The following CSMD1 variants were observed in gnomAD, a reference collection of about 807,000 sequenced individuals.
CSMD1 encodes CUB and sushi domain-containing protein 1.
CSMD1 carries 213 observed loss-of-function variants against 417.5 expected under a neutral mutation model. The observed-to-expected ratio is 0.51, with a 90% CI of 0.46 to 0.57. The LOEUF (loss-of-function observed/expected upper bound fraction) is 0.57. CSMD1 is among the 20% of genes least tolerant of loss of function. CSMD1 has a pLI of 0.00. For missense variants in CSMD1, 6,923 were observed against 4,529.7 expected, an observed-to-expected ratio of 1.53 and a Z score of -15.17; for synonymous variants, 2,862 against 1,736.8, an observed-to-expected ratio of 1.65 and a Z score of -16.11.
chr8:4,143,817 A>G (rs995767702), intron 3 of CSMD1, among the ~76,000 whole-genome samples: 4 of 151,234 alleles, frequency 2.6e-5, no homozygotes, highest in Non-Finnish European at 5.9e-5. Flanking sequence ...GGGCCTAGTT[A>G]CACAGTTTTC....
intron 3 of CSMD1, among the ~76,000 whole-genome samples, chr8:4,359,215 C>A (rs1433032255): frequency 3.9e-5 from 6 of 152,172 alleles, no homozygotes; most frequent in African/African-American, 1.2e-4. Flanking sequence ...GTTGCATTAT[C>A]TGTAGAGAGG....
intron 2 of CSMD1, among the ~76,000 whole-genome samples, chr8:4,443,469 T>C (rs1194658188): frequency 1.3e-5 from 2 of 152,354 alleles, no homozygotes; most frequent in Admixed American, 1.3e-4. Context: ...TCAAGATTTA[T>C]CTTTTCATCT....
chr8:3,683,828 C>T (rs188842302), intron 7 of CSMD1, among the ~76,000 whole-genome samples: 1 of 152,026 alleles, frequency 6.6e-6, no homozygotes, highest in African/African-American at 2.4e-5. Flanking sequence ...TTTGCGTAAT[C>T]ATTCTAAGAT....
chr8:4,149,217 G>A (rs534991615), intron 3 of CSMD1, among the ~76,000 whole-genome samples: 2 of 152,122 alleles, frequency 1.3e-5, no homozygotes, highest in East Asian at 1.9e-4. Context: ...GTCCACCTCG[G>A]CCTCCCAAAC....
chr8:4,337,127 G>C (rs1181604347), intron 3 of CSMD1, among the ~76,000 whole-genome samples: 1 of 152,128 alleles, frequency 6.6e-6, no homozygotes, highest in Admixed American at 6.6e-5. Flanking sequence ...AAGCATTTAA[G>C]TGGGATCTTC....
intron 3 of CSMD1, among the ~76,000 whole-genome samples, chr8:4,264,579 G>C (rs543118761): frequency 6.6e-6 from 1 of 152,236 alleles, no homozygotes; most frequent in Non-Finnish European, 1.5e-5. Context: ...TATTATGGAA[G>C]ACTGGTTCCT....
intron 3 of CSMD1, among the ~76,000 whole-genome samples, chr8:4,235,990 T>C (rs192637604): frequency 1.3e-5 from 2 of 150,698 alleles, no homozygotes; most frequent in Non-Finnish European, 2.9e-5. Flanking sequence ...AAGTGATTCG[T>C]GATAATCACT....
At chr8:3,110,938 G>C (rs58812972) in intron 42 of CSMD1, among the ~76,000 whole-genome samples, 8,258 of 152,128 alleles carry the variant, frequency 0.054, 591 homozygotes, top group African/African-American at 0.17. Context: ...TTTCATTTTT[G>C]TTAAGAAATT....
chr8:3,115,917 C>G (rs932876542), intron 42 of CSMD1, among the ~76,000 whole-genome samples: 1 of 152,142 alleles, frequency 6.6e-6, no homozygotes, highest in Non-Finnish European at 1.5e-5. Flanking sequence ...TTTCAGTACA[C>G]TTGACCTATA....
intron 3 of CSMD1, among the ~76,000 whole-genome samples, chr8:4,086,203 C>G (rs2552154): frequency 6.0e-4 from 92 of 152,206 alleles, no homozygotes; most frequent in African/African-American, 2.1e-3. Flanking sequence ...CTTACAGCTA[C>G]AAAGTATCAC....
At chr8:4,811,018 C>T (rs1053089189) in intron 1 of CSMD1, among the ~76,000 whole-genome samples, 2 of 152,108 alleles carry the variant, frequency 1.3e-5, no homozygotes, top group Admixed American at 6.5e-5. Flanking sequence ...TGTACTATTC[C>T]ACCCAGTGAA....
chr8:4,019,740 G>T (rs138936671), intron 4 of CSMD1, among the ~76,000 whole-genome samples: 6 of 152,000 alleles, frequency 3.9e-5, no homozygotes, highest in African/African-American at 1.2e-4. Flanking sequence ...GCCTGTTGTA[G>T]AAGTAGTTTT....
At chr8:4,351,099 G>T (rs1007824023) in intron 3 of CSMD1, among the ~76,000 whole-genome samples, 1 of 151,886 alleles carries the variant, frequency 6.6e-6, no homozygotes, top group Non-Finnish European at 1.5e-5. Context: ...CCAGAGGATC[G>T]CCTGAGCCCA....
At chr8:4,067,878 A>T (rs1272035987) in intron 3 of CSMD1, among the ~76,000 whole-genome samples, 4 of 152,104 alleles carry the variant, frequency 2.6e-5, no homozygotes, top group African/African-American at 7.2e-5. Flanking sequence ...AGAGATGGAG[A>T]CCATCCTGGC....
intron 7 of CSMD1, among the ~76,000 whole-genome samples, chr8:3,681,945 A>T (rs914763930): frequency 2.6e-5 from 4 of 152,214 alleles, no homozygotes; most frequent in Non-Finnish European, 4.4e-5. Flanking sequence ...TGGGGAAAGG[A>T]TTCCCTATTC....
intron 5 of CSMD1, among the ~76,000 whole-genome samples, chr8:3,864,676 G>A (rs565499403): frequency 1.7e-4 from 26 of 151,992 alleles, no homozygotes; most frequent in African/African-American, 5.1e-4. Flanking sequence ...AGACACTTTC[G>A]ACTGATGAAG....
chr8:3,806,474 T>C (rs1035412006), intron 5 of CSMD1, among the ~76,000 whole-genome samples: 1 of 152,180 alleles, frequency 6.6e-6, no homozygotes, highest in African/African-American at 2.4e-5. Flanking sequence ...TCAGCTTCTA[T>C]AACTGAGTCT....
intron 7 of CSMD1, among the ~76,000 whole-genome samples, chr8:3,638,309 C>T (rs903444828): frequency 5.3e-5 from 8 of 152,212 alleles, no homozygotes; most frequent in Non-Finnish European, 8.8e-5. Flanking sequence ...CATCCATTTA[C>T]AGTCAGTTTT....
Position 4,233,805 on chromosome 8 carries a change from T to C in CSMD1, c.415+186148A>G, listed in dbSNP as rs577309976. Among the ~76,000 whole-genome samples the C allele has an allele frequency of 2.1e-4, 32 of 152,302 alleles. No individual in the cohort carries two copies. The South Asian group carries it at 3.3e-3, about 16-fold the overall frequency. ...AGAAGTAGAGTATCTTTAGGATATT[T>C]CATGAAATTTCATTTGAGTTGGTTA... On this transcript the variant is annotated intron_variant, in intron 3 of 69. Coordinates refer to ENST00000635120, the MANE Select transcript of CSMD1 (RefSeq NM_033225.6).
Sources: gnomAD v4.1 joint callset for allele counts (sites outside exome capture counted in the v4.1 genomes callset) on GRCh38, gnomAD v4.1.1 for gene constraint, MANE v1.5 for transcripts, NCBI Gene and HGNC (gene_info 2026-07-23, HGNC 2026-07-21) for gene names.